RTN1: variants seen among roughly 807,000 people sequenced by gnomAD.
The protein encoded by RTN1 is reticulon 1, also known as reticulon-1.
In RTN1, 25 loss-of-function variants were observed where a neutral mutation model predicts 65.5. That is an observed-to-expected ratio of 0.38 (90% CI 0.28 to 0.53). RTN1 has a LOEUF of 0.53. RTN1 is among the 20% of genes least tolerant of loss of function. The pLI, the probability that RTN1 is intolerant of heterozygous loss-of-function variation, is 0.79. For missense variants in RTN1, 983 were observed against 1,025.4 expected (o/e 0.96, Z 0.57); for synonymous variants, 471 against 447.6 (o/e 1.05, Z -0.66).
At chr14:59,739,202 T>C (rs1283530272) in intron 2 of RTN1, among the ~76,000 whole-genome samples, 1 of 151,002 alleles carries the variant, frequency 6.6e-6, no homozygotes, top group East Asian at 1.9e-4. Context: ...CATTAGTGGA[T>C]CCTGGAAGGG....
At chr14:59,718,203 A>G (rs1000029140) in intron 3 of RTN1, among the ~76,000 whole-genome samples, 38 of 152,202 alleles carry the variant, frequency 2.5e-4, no homozygotes, top group Admixed American at 1.8e-3. Flanking sequence ...CTTAAAATCC[A>G]GGAGTGCCAT....
rs749288238 is a variant in RTN1, at chr14:59,630,407, G to T, written c.1766-22915C>A. ...GACGAGTCCAGGTCCCGGGTTTCCC[G>T]TGCGCCTCAGGCATGCACTACTGAA... is the stretch of plus-strand genomic sequence containing the variant. On this transcript the variant is annotated intron_variant, in intron 3 of 8. Coordinates refer to ENST00000267484, the MANE Select transcript of RTN1 (RefSeq NM_021136.3). 1.2e-5 allele frequency: 20 copies of T among 1,612,132 alleles called. No individual in the cohort carries two copies. The South Asian group carries it at 2.0e-4, about 16-fold the overall frequency.
intron 1 of RTN1, among the ~76,000 whole-genome samples, chr14:59,823,622 G>C (rs1400976479): frequency 2.0e-5 from 3 of 152,112 alleles, no homozygotes; most frequent in Non-Finnish European, 4.4e-5. Flanking sequence ...GGCTTACAAA[G>C]TTTCTCCTGA....
rs151272316 is a variant in RTN1, at chr14:59,625,036, C to A, written c.1766-17544G>T. Among the ~76,000 whole-genome samples the A allele has an allele frequency of 5.9e-4, 90 of 151,960 alleles. 2 individuals are homozygous for A. The South Asian group carries it at 7.1e-3, about 12-fold the overall frequency. ...TCTGTTCCAGAACATATTAACTGGTCTAAAGATGAGAAATAACTGTGTACA... is the reference window on the plus strand; with the variant it reads ...TCTGTTCCAGAACATATTAACTGGTATAAAGATGAGAAATAACTGTGTACA... On this transcript the variant is annotated intron_variant, in intron 3 of 8. Transcript: ENST00000267484.
At chr14:59,650,010 G>A (rs751570248) in intron 3 of RTN1, among the ~76,000 whole-genome samples, 11 of 152,096 alleles carry the variant, frequency 7.2e-5, no homozygotes, top group Non-Finnish European at 1.3e-4. Flanking sequence ...CAAATGCCTG[G>A]CAATGATAGG....
intron 1 of RTN1, among the ~76,000 whole-genome samples, chr14:59,750,118 TA>T (rs1885424786): frequency 3.2e-5 from 2 of 62,526 alleles, no homozygotes; most frequent in African/African-American, 1.2e-4. Flanking sequence ...TTATATATAA[TA>T]TATATTATCT....
At chr14:59,748,661 A>G (rs1360505708) in intron 1 of RTN1, among the ~76,000 whole-genome samples, 1 of 152,054 alleles carries the variant, frequency 6.6e-6, no homozygotes, top group Admixed American at 6.6e-5. Flanking sequence ...AGGTGAGCTC[A>G]CACACACAGC....
At chr14:59,810,261 A>C (rs1019275469) in intron 1 of RTN1, among the ~76,000 whole-genome samples, 1 of 152,184 alleles carries the variant, frequency 6.6e-6, no homozygotes, top group East Asian at 1.9e-4. Flanking sequence ...GATCAGGTTC[A>C]CTAGTACCCT....
At chr14:59,600,796 C>G (rs1428915330) in intron 8 of RTN1, among the ~76,000 whole-genome samples, 1 of 152,166 alleles carries the variant, frequency 6.6e-6, no homozygotes, top group Admixed American at 6.5e-5. Context: ...GTAACATTTC[C>G]TTTCCATTCC....
At chr14:59,662,169 T>C (rs984203419) in intron 3 of RTN1, among the ~76,000 whole-genome samples, 22 of 152,198 alleles carry the variant, frequency 1.4e-4, no homozygotes, top group Admixed American at 1.4e-3. Flanking sequence ...TTTTCTTTTT[T>C]TTTTATTATA....
intron 3 of RTN1, among the ~76,000 whole-genome samples, chr14:59,615,384 G>A (rs1163248886): frequency 6.6e-6 from 1 of 152,166 alleles, no homozygotes; most frequent in Non-Finnish European, 1.5e-5. Flanking sequence ...GGGAGGTGGA[G>A]GTTGCGATGA....
intron 3 of RTN1, among the ~76,000 whole-genome samples, chr14:59,696,695 AGCTGGAAGCT>A (rs1244837969): frequency 1.3e-5 from 2 of 152,184 alleles, no homozygotes; most frequent in Non-Finnish European, 1.5e-5. Flanking sequence ...TGATTGAAGA[AGCTGGAAGCT>A]GCTGTAACCT....
intron 3 of RTN1, among the ~76,000 whole-genome samples, chr14:59,670,621 C>T (rs1287668882): frequency 4.0e-5 from 6 of 148,376 alleles, no homozygotes; most frequent in African/African-American, 1.0e-4. Context: ...TTGACCAATT[C>T]GGCACATGTT....
At chr14:59,607,914 A>AAG (rs535572199) in intron 3 of RTN1, among the ~76,000 whole-genome samples, 4 of 144,444 alleles carry the variant, frequency 2.8e-5, no homozygotes, top group Non-Finnish European at 3.0e-5. Flanking sequence ...AAAAAAAAAA[A>AAG]AGAGAGAGAG....
At chr14:59,662,267 C>T (rs748950150) in intron 3 of RTN1, among the ~76,000 whole-genome samples, 6 of 151,424 alleles carry the variant, frequency 4.0e-5, no homozygotes, top group African/African-American at 7.3e-5. Context: ...CCCATTAACT[C>T]GTCATTTACA....
intron 3 of RTN1, among the ~76,000 whole-genome samples, chr14:59,663,917 C>T (rs1452257584): frequency 6.6e-6 from 1 of 152,080 alleles, no homozygotes; most frequent in Non-Finnish European, 1.5e-5. Context: ...GGCGATTCCT[C>T]AAGGATCTAG....
intron 1 of RTN1, among the ~76,000 whole-genome samples, chr14:59,793,239 C>A (rs1017202564): frequency 6.6e-6 from 1 of 152,106 alleles, no homozygotes; most frequent in African/African-American, 2.4e-5. Flanking sequence ...TTACTTTGTT[C>A]CAGACAAAAC....
rs1353068395 is a variant in RTN1 at position 59,596,105 on chromosome 14, T to C, written c.*640A>G. ...AATACAAATTGTAATAAAGTTAACA[T>C]GCTGGTACTTTTTAGTAACCATACA... On this transcript the variant is annotated 3_prime_UTR_variant, in exon 9 of 9. Transcript: ENST00000267484. The C allele has an allele frequency of 2.6e-5, 4 of 152,688 alleles. No individual in the cohort carries two copies. The highest frequency in any genetic ancestry group is 9.6e-5 in the African/African-American group (4 of 41,474). The allele number at this position is 152,688 out of a possible 1,614,324, so 9.5% of individuals were successfully genotyped here.
At chr14:59,796,665 C>T (rs1886444835) in intron 1 of RTN1, among the ~76,000 whole-genome samples, 1 of 152,148 alleles carries the variant, frequency 6.6e-6, no homozygotes, top group African/African-American at 2.4e-5. Flanking sequence ...TTCATCTCCT[C>T]CTGGTCTAAT....
Sources: allele counts gnomAD v4.1 joint callset (sites outside exome capture counted in the v4.1 genomes callset), GRCh38; gene constraint gnomAD v4.1.1; transcripts MANE v1.5; gene names NCBI Gene and HGNC (gene_info 2026-07-23, HGNC 2026-07-21).